CUX1: variants seen among roughly 807,000 people sequenced by gnomAD.
CUX1 encodes the protein protein CASP.
Under a neutral mutation model 158.8 loss-of-function variants are expected in CUX1, and 31 were observed. The observed-to-expected ratio is 0.20, with a 90% confidence interval of 0.15 to 0.26. The LOEUF is 0.26. Ranked by LOEUF, CUX1 falls within the 10% of genes least tolerant of loss-of-function variation. The pLI, the probability that CUX1 is intolerant of heterozygous loss-of-function variation, is 1.00. For missense variants in CUX1, 1,589 were observed against 2,014.6 expected, an observed-to-expected ratio of 0.79 and a Z score of 4.04; for synonymous variants, 879 against 862.1, an observed-to-expected ratio of 1.02 and a Z score of -0.34.
At chr7:102,215,373 A>G (rs1586258545) in intron 20 of CUX1, among the ~76,000 whole-genome samples, 1 of 151,928 alleles carries the variant, frequency 6.6e-6, no homozygotes, top group East Asian at 1.9e-4. Flanking sequence ...GATGTATGAT[A>G]ATTACTGAGT....
chr7:102,058,171 T>C (rs993346078), intron 3 of CUX1, among the ~76,000 whole-genome samples: 7 of 152,368 alleles, frequency 4.6e-5, no homozygotes, highest in African/African-American at 1.7e-4. Context: ...ATAGAGCTAT[T>C]ACATACTTAA....
chr7:102,016,381 G>C (rs1818590927), intron 2 of CUX1, among the ~76,000 whole-genome samples: 1 of 152,242 alleles, frequency 6.6e-6, no homozygotes, highest in African/African-American at 2.4e-5. Context: ...AGGCACAGCA[G>C]CCTGTGGTCT....
chr7:101,826,450 CCTT>C (rs775912730), intron 1 of CUX1, among the ~76,000 whole-genome samples: 16 of 152,084 alleles, frequency 1.1e-4, no homozygotes, highest in Non-Finnish European at 1.9e-4. Context: ...AATCCTCCCT[CCTT>C]GGTCTCCTAA....
rs566458528 is a variant in CUX1 at position 101,876,577 on chromosome 7, C to G, written c.31-39538C>G. 1.4e-4 allele frequency among the ~76,000 whole-genome samples: 21 copies of G among 152,014 alleles called. 1 individual carries two copies. In the East Asian group the frequency reaches 4.1e-3, roughly 29 times the overall value. ...AGGCGTGGTGGCACGCACCTGTAGT[C>G]CCAGCTACTCAGGAGGCTGAGGCAG... is the stretch of plus-strand genomic sequence containing the variant. On this transcript the variant is annotated intron_variant, in intron 1 of 23. Coordinates refer to ENST00000292535, the MANE Select transcript of CUX1 (RefSeq NM_181552.4).
intron 4 of CUX1, 48 bp from the exon 5 acceptor site, chr7:102,097,316 G>A (rs1554484521): frequency 1.3e-6 from 2 of 1,576,022 alleles, no homozygotes; most frequent in Non-Finnish European, 1.7e-6. Context: ...CGTGGAGGGG[G>A]CCTGTTTGCT....
intron 9 of CUX1, among the ~76,000 whole-genome samples, chr7:102,164,130 C>A (rs975442081): frequency 6.6e-6 from 1 of 152,222 alleles, no homozygotes; most frequent in Admixed American, 6.5e-5. Flanking sequence ...CCCGTCCCGT[C>A]CGGGGGCTTT....
At chr7:102,229,919 C>G (rs1798786716) in intron 21 of CUX1, among the ~76,000 whole-genome samples, 1 of 152,186 alleles carries the variant, frequency 6.6e-6, no homozygotes. Context: ...ACCACACCAG[C>G]CAAGCCTATT....
intron 21 of CUX1, among the ~76,000 whole-genome samples, chr7:102,229,999 C>A (rs1378210521): frequency 6.6e-6 from 1 of 152,126 alleles, no homozygotes; most frequent in African/African-American, 2.4e-5. Context: ...TTTAGGCACG[C>A]GGAGATTGGA....
rs186947071 is a variant in CUX1, at chr7:102,134,866, G to A, written c.674+19593G>A. 5.3e-5 allele frequency among the ~76,000 whole-genome samples: 8 copies of A among 152,244 alleles called. 1 individual carries two copies. Among genetic ancestry groups the A allele is most frequent in the Admixed American group, 4.6e-4 (7 of 15,274 alleles). Reference sequence around the variant, plus strand: ...CCACCTCTCCCTCCCGAAGTTCTGGGATTACAGACAGGAGTCACAGCGCCA... The same window carrying A: ...CCACCTCTCCCTCCCGAAGTTCTGGAATTACAGACAGGAGTCACAGCGCCA... On this transcript the variant is annotated intron_variant, in intron 8 of 23. Coordinates refer to ENST00000292535, the MANE Select transcript of CUX1 (RefSeq NM_181552.4).
intron 2 of CUX1, among the ~76,000 whole-genome samples, chr7:102,019,475 T>C (rs1309677153): frequency 6.6e-6 from 1 of 152,208 alleles, no homozygotes; most frequent in Non-Finnish European, 1.5e-5. Flanking sequence ...TCCACCTGCC[T>C]TGGCCTCCCA....
chr7:101,979,150 G>A (rs1363069711), intron 2 of CUX1, among the ~76,000 whole-genome samples: 1 of 152,144 alleles, frequency 6.6e-6, no homozygotes, highest in Non-Finnish European at 1.5e-5. Flanking sequence ...GGAACATGTT[G>A]ACCACTCAGA....
chr7:101,932,181 T>C (rs934850660), intron 2 of CUX1, among the ~76,000 whole-genome samples: 1 of 152,242 alleles, frequency 6.6e-6, no homozygotes, highest in Non-Finnish European at 1.5e-5. Flanking sequence ...GCCCTGGGCC[T>C]CCTAACATTG....
intron 2 of CUX1, among the ~76,000 whole-genome samples, chr7:101,976,558 G>C (rs1812711414): frequency 6.6e-6 from 1 of 152,130 alleles, no homozygotes; most frequent in African/African-American, 2.4e-5. Context: ...TTTCCAGAGA[G>C]CTGTAATTGA....
At position 102,256,076 on chromosome 7, in the gene CUX1, C is replaced by T; in HGVS notation, c.*7034C>T. On this transcript the variant is annotated 3_prime_UTR_variant, in exon 24 of 24. Transcript: ENST00000292535. ...GGCCTCCCCGACTCCCTCCAGTCTC[C>T]CAGCCTGCCTCTTGGTGACCACTGT... 1 of 985,478 alleles carries T rather than the reference C, an allele frequency of 1.0e-6. No individual in the cohort carries two copies. The highest frequency in any genetic ancestry group is 1.2e-6 in the Non-Finnish European group (1 of 829,950). 61.0% of individuals were successfully genotyped at this position (985,478 alleles called of 1,614,324 possible). A position where few individuals can be genotyped will look rare whatever the true frequency, so the allele number is the denominator to read the frequency against.
intron 2 of CUX1, among the ~76,000 whole-genome samples, chr7:101,935,714 G>A (rs1047271751): frequency 1.3e-5 from 2 of 152,222 alleles, no homozygotes; most frequent in African/African-American, 4.8e-5. Context: ...GTGTGGGGCT[G>A]TCACGAGGCG....
At chr7:101,976,976 G>A (rs1223883757) in intron 2 of CUX1, among the ~76,000 whole-genome samples, 2 of 117,984 alleles carry the variant, frequency 1.7e-5, no homozygotes, top group African/African-American at 6.3e-5. Context: ...GTCGTGGCAT[G>A]ATTTCAGCTT....
At chr7:101,914,536 A>T (rs1803947949) in intron 1 of CUX1, among the ~76,000 whole-genome samples, 1 of 147,286 alleles carries the variant, frequency 6.8e-6, no homozygotes, top group African/African-American at 2.5e-5. Context: ...CACCTCACTC[A>T]TGCCCAGGCT....
intron 3 of CUX1, among the ~76,000 whole-genome samples, chr7:102,039,417 G>A (rs577885855): frequency 1.2e-3 from 177 of 152,218 alleles, no homozygotes; most frequent in African/African-American, 4.2e-3. Context: ...ACTTTGAGAG[G>A]CCGAGACAGG....
chr7:102,087,443 G>A (rs1828062371), intron 4 of CUX1, among the ~76,000 whole-genome samples: 1 of 152,086 alleles, frequency 6.6e-6, no homozygotes, highest in South Asian at 2.1e-4. Flanking sequence ...AGCTGGGCGT[G>A]GTGGCACATG....
Sources: allele counts gnomAD v4.1 joint callset (sites outside exome capture counted in the v4.1 genomes callset), GRCh38; gene constraint gnomAD v4.1.1; transcripts MANE v1.5; gene names NCBI Gene and HGNC (gene_info 2026-07-23, HGNC 2026-07-21).